Variants in TMEM154 observed in about 807,000 individuals in gnomAD.
TMEM154 encodes the protein transmembrane protein 154.
TMEM154 carries 27 observed loss-of-function variants against 24.5 expected under a neutral mutation model. The ratio of observed to expected loss-of-function variants is 1.10; its 90% CI spans 0.81 to 1.52. The LOEUF (loss-of-function observed/expected upper bound fraction) is 1.52. Ranked by LOEUF, TMEM154 falls within the 40% of genes most tolerant of loss-of-function variation. TMEM154 has a pLI of 0.00. For missense variants in TMEM154, 228 were observed against 213.4 expected (o/e 1.07, Z -0.43); for synonymous variants, 67 against 76.8 (o/e 0.87, Z 0.67).
At chr4:152,675,296 C>T (rs1320603958) in intron 1 of TMEM154, among the ~76,000 whole-genome samples, 1 of 123,236 alleles carries the variant, frequency 8.1e-6, no homozygotes, top group Non-Finnish European at 1.8e-5. Flanking sequence ...GAATAAATAA[C>T]ACAAGGGAAA....
chr4:152,660,975 G>A lies in TMEM154; in HGVS notation c.65-8048C>T, dbSNP rs377673059. Among the ~76,000 whole-genome samples the A allele has an allele frequency of 9.8e-5, 15 of 152,294 alleles. No individual in the cohort carries two copies. In the East Asian group the frequency reaches 2.3e-3, roughly 23 times the overall value. On this transcript the variant is annotated intron_variant, in intron 1 of 6. Transcript: ENST00000304385. Reference sequence around the variant, plus strand: ...GTCACCATTTGACCCGTGGCCCCGGGAAAAGAGAAAATAGGAAAGGAAACA... The same window carrying A: ...GTCACCATTTGACCCGTGGCCCCGGAAAAAGAGAAAATAGGAAAGGAAACA...
intron 3 of TMEM154, among the ~76,000 whole-genome samples, chr4:152,647,899 G>T (rs1728296498): frequency 6.6e-6 from 1 of 152,190 alleles, no homozygotes; most frequent in Non-Finnish European, 1.5e-5. Flanking sequence ...GTGCCAGGAA[G>T]TGCAAGCCAA....
At chr4:152,672,182 G>C (rs1410125950) in intron 1 of TMEM154, among the ~76,000 whole-genome samples, 1 of 151,756 alleles carries the variant, frequency 6.6e-6, no homozygotes, top group African/African-American at 2.4e-5. Context: ...TGGGAGGATT[G>C]CTTGAACCCA....
intron 1 of TMEM154, among the ~76,000 whole-genome samples, chr4:152,654,636 A>G (rs1304728193): frequency 6.6e-6 from 1 of 152,192 alleles, no homozygotes; most frequent in Admixed American, 6.6e-5. Flanking sequence ...TGACAGGATT[A>G]TTGCTCCTAT....
chr4:152,675,746 G>A (rs1181495646), intron 1 of TMEM154, among the ~76,000 whole-genome samples: 11 of 152,122 alleles, frequency 7.2e-5, no homozygotes, highest in Non-Finnish European at 5.9e-5. Context: ...ATCTACCCTC[G>A]GACCAGTAGT....
chr4:152,628,135 CA>C lies in TMEM154; in HGVS notation c.*410del. 5.0e-6 allele frequency: 1 copy of C among 201,640 alleles called. No individual in the cohort carries two copies. Among genetic ancestry groups the C allele is most frequent in the African/African-American group, 2.3e-5 (1 of 42,864 alleles). 12.5% of individuals were successfully genotyped at this position (201,640 alleles called of 1,614,324 possible). On this transcript the variant is annotated 3_prime_UTR_variant, in exon 7 of 7. Coordinates refer to ENST00000304385, the MANE Select transcript of TMEM154 (RefSeq NM_152680.3). ...AATTATCCAAAGCTGGTTACTGACC[CA>C]AAAGGAAACCATCGATAAAACAGCT... is the stretch of plus-strand genomic sequence containing the variant.
Position 152,679,858 on chromosome 4 carries a change from G to T in TMEM154, c.64+12C>A. 6.2e-7 allele frequency: 1 copy of T among 1,604,634 alleles called. No homozygotes were observed. The highest frequency in any genetic ancestry group is 2.2e-5 in the East Asian group (1 of 44,536). On this transcript the variant is annotated intron_variant, in intron 1 of 6. Transcript: ENST00000304385. ...TCCTCCTTCCCAGGAGTAGGAAGTG[G>T]AGGCGGCTTACCCCGGCCGACGGGA... is the stretch of plus-strand genomic sequence containing the variant.
intron 3 of TMEM154, among the ~76,000 whole-genome samples, chr4:152,652,273 TA>T (rs11331839): frequency 0.45 from 60,774 of 134,902 alleles, 12,668 homozygotes; most frequent in Admixed American, 0.54. Context: ...TTCAATTTGT[TA>T]AAAAAAAAAA....
intron 1 of TMEM154, among the ~76,000 whole-genome samples, chr4:152,671,538 G>C (rs1005034103): frequency 6.6e-6 from 1 of 151,532 alleles, no homozygotes; most frequent in African/African-American, 2.4e-5. Flanking sequence ...ACGAGGTCAG[G>C]AGATCGAGAC....
chr4:152,663,383 G>A (rs1437755000), intron 1 of TMEM154, among the ~76,000 whole-genome samples: 2 of 152,248 alleles, frequency 1.3e-5, no homozygotes, highest in African/African-American at 4.8e-5. Context: ...AGGACACAGG[G>A]TTAGAGGGCA....
At position 152,679,952 on chromosome 4, in the gene TMEM154, A is replaced by G; in HGVS notation, c.-19T>C. ...CCTGCATGTCCGCTCGCCTCGGCAG[A>G]GGCGCGCTCAGGATGCTGCGCCGGG... On this transcript the variant is annotated 5_prime_UTR_variant, in exon 1 of 7. Coordinates refer to ENST00000304385, the MANE Select transcript of TMEM154 (RefSeq NM_152680.3). The G allele has an allele frequency of 6.3e-7, 1 of 1,599,986 alleles. No individual in the cohort carries two copies. Among genetic ancestry groups the G allele is most frequent in the Admixed American group, 1.7e-5 (1 of 57,870 alleles).
Position 152,651,291 on chromosome 4 carries a change from T to C in TMEM154, c.364+1247A>G, listed in dbSNP as rs1728377846. ...CCTCAGCTTCCCATAGTGCTGAGAT[T>C]ACAGGCGTGAGCCACCATGCCCAGT... On this transcript the variant is annotated intron_variant, in intron 3 of 6. Coordinates refer to ENST00000304385, the MANE Select transcript of TMEM154 (RefSeq NM_152680.3). Among the ~76,000 whole-genome samples, 3 of 152,080 alleles carry C rather than the reference T, an allele frequency of 2.0e-5. No individual in the cohort carries two copies. The South Asian group carries it at 6.2e-4, about 32-fold the overall frequency.
intron 6 of TMEM154, among the ~76,000 whole-genome samples, chr4:152,635,120 C>G (rs1490982369): frequency 6.6e-6 from 1 of 152,118 alleles, no homozygotes; most frequent in African/African-American, 2.4e-5. Context: ...ACTGAGCAGA[C>G]AGGCCAAAAA....
At chr4:152,640,892 C>CCCAAAAAA in intron 6 of TMEM154, 36 bp downstream of exon 6, 1 of 1,454,088 alleles carries the variant, frequency 6.9e-7, no homozygotes, top group Non-Finnish European at 9.6e-7. Context: ...CGCCCCCCGC[C>CCCAAAAAA]ATATACATGT....
At chr4:152,633,441 G>C (rs1018485705) in intron 6 of TMEM154, among the ~76,000 whole-genome samples, 1 of 152,146 alleles carries the variant, frequency 6.6e-6, no homozygotes, top group Non-Finnish European at 1.5e-5. Flanking sequence ...GTTTCCTGCT[G>C]TCTTTTTGGC....
At chr4:152,648,656 T>C (rs1459319474) in intron 3 of TMEM154, among the ~76,000 whole-genome samples, 1 of 152,182 alleles carries the variant, frequency 6.6e-6, no homozygotes, top group African/African-American at 2.4e-5. Context: ...CAAGTGTTGT[T>C]AGAGTGGAGG....
rs1728543652 is a variant in TMEM154 at position 152,658,962 on chromosome 4, CA to C, written c.65-6036del. 4.6e-5 allele frequency among the ~76,000 whole-genome samples: 7 copies of C among 152,202 alleles called. No homozygotes were observed. In the South Asian group the frequency reaches 1.5e-3, roughly 32 times the overall value. On this transcript the variant is annotated intron_variant, in intron 1 of 6. Coordinates refer to ENST00000304385, the MANE Select transcript of TMEM154 (RefSeq NM_152680.3). ...TATGGAAAACAGTAGGGCAATTTCTCAAAAAACTAACAAGAGAACTACCATA... is the reference window on the plus strand; with the variant it reads ...TATGGAAAACAGTAGGGCAATTTCTCAAAAACTAACAAGAGAACTACCATA...
chr4:152,674,057 G>C (rs889963589), intron 1 of TMEM154, among the ~76,000 whole-genome samples: 3 of 151,804 alleles, frequency 2.0e-5, no homozygotes, highest in African/African-American at 7.3e-5. Context: ...GCAACACCTA[G>C]AAATGTTGAA....
intron 3 of TMEM154, among the ~76,000 whole-genome samples, chr4:152,651,623 T>A (rs1728384236): frequency 6.6e-6 from 1 of 152,270 alleles, no homozygotes; most frequent in South Asian, 2.1e-4. Flanking sequence ...AAGAGAATGC[T>A]GTGACTGGTT....
Sources: allele counts gnomAD v4.1 joint callset (sites outside exome capture counted in the v4.1 genomes callset), GRCh38; gene constraint gnomAD v4.1.1; transcripts MANE v1.5; gene names NCBI Gene and HGNC (gene_info 2026-07-23, HGNC 2026-07-21).